The following PTPRN2 variants were observed in gnomAD, a reference collection of about 807,000 sequenced individuals.
PTPRN2 encodes protein tyrosine phosphatase receptor type N2.
PTPRN2 carries 74 observed loss-of-function variants against 118.8 expected under a neutral mutation model. The ratio of observed to expected loss-of-function variants is 0.62; its 90% CI spans 0.52 to 0.76. The LOEUF (loss-of-function observed/expected upper bound fraction) is 0.76, where lower values mean the gene tolerates loss of function less well. Ranked by LOEUF, PTPRN2 falls within the 30% of genes least tolerant of loss-of-function variation. The pLI, the probability that PTPRN2 is intolerant of heterozygous loss-of-function variation, is 0.00. For synonymous variants in PTPRN2, 641 were observed against 608.0 expected (o/e 1.05, Z -0.80); for missense variants, 1,481 against 1,394.4 (o/e 1.06, Z -0.99).
chr7:157,584,023 G>A (rs1800530264), intron 17 of PTPRN2, among the ~76,000 whole-genome samples: 1 of 152,096 alleles, frequency 6.6e-6, no homozygotes, highest in Non-Finnish European at 1.5e-5. Flanking sequence ...GGAGCTGGAT[G>A]TGGTGGTGTG....
chr7:158,206,624 A>T (rs1363369145), intron 3 of PTPRN2, among the ~76,000 whole-genome samples: 2 of 152,046 alleles, frequency 1.3e-5, no homozygotes, highest in Non-Finnish European at 2.9e-5. Flanking sequence ...AGAGAAAAAA[A>T]GTCTGCCTGG....
intron 2 of PTPRN2, among the ~76,000 whole-genome samples, chr7:158,384,923 C>T (rs1188889203): frequency 1.3e-5 from 2 of 152,022 alleles, no homozygotes; most frequent in African/African-American, 4.8e-5. Flanking sequence ...ACCTGCCCGC[C>T]CTCACAGCAG....
intron 11 of PTPRN2, among the ~76,000 whole-genome samples, chr7:157,952,739 T>A (rs1367071783): frequency 6.6e-6 from 1 of 151,990 alleles, no homozygotes. Flanking sequence ...GGGGTAGGTG[T>A]GCACAGGCCT....
chr7:157,668,152 G>A (rs758040042), intron 13 of PTPRN2, among the ~76,000 whole-genome samples: 1 of 152,240 alleles, frequency 6.6e-6, no homozygotes, highest in African/African-American at 2.4e-5. Flanking sequence ...GGGCGTGTCC[G>A]CAGAGTCCTC....
intron 10 of PTPRN2, among the ~76,000 whole-genome samples, chr7:158,108,489 G>A (rs1335730927): frequency 6.6e-6 from 1 of 152,120 alleles, no homozygotes; most frequent in East Asian, 1.9e-4. Flanking sequence ...CCCCATTTCA[G>A]GGAAACCCCA....
At chr7:157,812,637 G>A (rs907367718) in intron 12 of PTPRN2, among the ~76,000 whole-genome samples, 5 of 152,154 alleles carry the variant, frequency 3.3e-5, no homozygotes, top group Admixed American at 6.5e-5. Flanking sequence ...GAGATGAATG[G>A]ACGGCTCATC....
At chr7:158,260,865 C>G (rs994057582) in intron 3 of PTPRN2, among the ~76,000 whole-genome samples, 9 of 152,160 alleles carry the variant, frequency 5.9e-5, no homozygotes, top group African/African-American at 2.2e-4. Context: ...CCCAGCATGC[C>G]CTGCCACTCT....
Position 157,990,369 on chromosome 7 carries a change from AG to A in PTPRN2, c.1723+90928del, listed in dbSNP as rs915685752. On this transcript the variant is annotated intron_variant, in intron 11 of 22. Coordinates refer to ENST00000389418, the MANE Select transcript of PTPRN2 (RefSeq NM_002847.5). This position sits in a 1 kb window ranked among gnomAD's most constrained non-coding sequence, Gnocchi z 4.3. Reference sequence around the variant, plus strand: ...GTGCAGCAGAGATTGGGCACGGGCCAGGAATGCATCACGGCACCTGCGCACA... The same window carrying A: ...GTGCAGCAGAGATTGGGCACGGGCCAGAATGCATCACGGCACCTGCGCACA... Among the ~76,000 whole-genome samples the A allele has an allele frequency of 1.3e-5, 2 of 152,186 alleles. No homozygotes were observed. Among genetic ancestry groups the A allele is most frequent in the African/African-American group, 4.8e-5 (2 of 41,456 alleles).
chr7:157,953,273 G>C lies in PTPRN2; in HGVS notation c.1724-54536C>G, dbSNP rs2128803127. 6.6e-6 allele frequency among the ~76,000 whole-genome samples: 1 copy of C among 152,336 alleles called. No individual in the cohort carries two copies. The highest frequency in any genetic ancestry group is 2.4e-5 in the African/African-American group (1 of 41,576). On this transcript the variant is annotated intron_variant, in intron 11 of 22. Coordinates refer to ENST00000389418, the MANE Select transcript of PTPRN2 (RefSeq NM_002847.5). This position sits in a 1 kb window ranked among gnomAD's most constrained non-coding sequence, Gnocchi z 4.6. ...CGGGAAGGACAGGAGAGCCGGGTGT[G>C]AGAAGCCTCCTTCCTAGGGCCTGTG...
intron 3 of PTPRN2, among the ~76,000 whole-genome samples, chr7:158,303,999 G>A (rs903821918): frequency 2.0e-5 from 3 of 152,236 alleles, no homozygotes; most frequent in African/African-American, 7.2e-5. Flanking sequence ...TACACACTAG[G>A]GAGGCATAAG....
At chr7:158,372,634 GT>G (rs1265630220) in intron 2 of PTPRN2, among the ~76,000 whole-genome samples, 3 of 149,824 alleles carry the variant, frequency 2.0e-5, no homozygotes, top group Non-Finnish European at 4.5e-5. Flanking sequence ...CCCGGAGCTG[GT>G]CCCCACCACG....
rs142437536 is a variant in PTPRN2, at chr7:158,133,802, C to T, written c.1431G>A (p.Met477Ile). ...TCTGCTCCTCCTTCGAGGGCCCAGG[C>T]ATCTGGTTTTGGAGCTCCCCAAACG... Reference protein sequence around the residue: ...AAAFGELQNQMPGPSKEEQSL... With the variant: ...AAAFGELQNQIPGPSKEEQSL... Residue 477 changes from methionine (M) to isoleucine (I), a missense_variant, in exon 9 of 23, where the codon ATG becomes ATA. By Grantham distance (10) the Met-to-Ile change is conservative. Coordinates refer to ENST00000389418, the MANE Select transcript of PTPRN2 (RefSeq NM_002847.5). The T allele has an allele frequency of 2.5e-6, 4 of 1,613,990 alleles. No homozygotes were observed. The highest frequency in any genetic ancestry group is 4.5e-5 in the East Asian group (2 of 44,884).
chr7:158,022,155 A>C lies in PTPRN2; in HGVS notation c.1723+59143T>G, dbSNP rs1806927135. Among the ~76,000 whole-genome samples the C allele has an allele frequency of 6.6e-6, 1 of 152,168 alleles. No homozygotes were observed. Among genetic ancestry groups the C allele is most frequent in the African/African-American group, 2.4e-5 (1 of 41,446 alleles). ...CCAAGTGCATCCTCTGCTTGTCAGC[A>C]GCTTCCACAGACATGGTGAGAGGAG... is the stretch of plus-strand genomic sequence containing the variant. On this transcript the variant is annotated intron_variant, in intron 11 of 22. Transcript: ENST00000389418. This position sits in a 1 kb window ranked among gnomAD's most constrained non-coding sequence, Gnocchi z 4.6.
At chr7:157,796,610 C>T (rs1055191261) in intron 12 of PTPRN2, among the ~76,000 whole-genome samples, 5 of 152,188 alleles carry the variant, frequency 3.3e-5, no homozygotes, top group African/African-American at 1.2e-4. Flanking sequence ...CAAAGAAACA[C>T]CTGAGACTGG....
At chr7:158,396,417 T>C (rs1812503950) in intron 2 of PTPRN2, among the ~76,000 whole-genome samples, 1 of 152,222 alleles carries the variant, frequency 6.6e-6, no homozygotes, top group South Asian at 2.1e-4. Flanking sequence ...TGTGTGTACA[T>C]GTGCACGTGT....
intron 13 of PTPRN2, among the ~76,000 whole-genome samples, chr7:157,665,714 G>C (rs1401282989): frequency 1.3e-5 from 2 of 152,236 alleles, no homozygotes; most frequent in African/African-American, 4.8e-5. Context: ...ATTCACAATA[G>C]TAAAGACTTG....
At chr7:157,566,252 A>C (rs886361798) in intron 21 of PTPRN2, among the ~76,000 whole-genome samples, 4 of 152,240 alleles carry the variant, frequency 2.6e-5, no homozygotes, top group Non-Finnish European at 5.9e-5. Context: ...GGTCTTCTGT[A>C]ATGCATTCCT....
intron 2 of PTPRN2, among the ~76,000 whole-genome samples, chr7:158,341,271 CA>C: frequency 2.4e-5 from 1 of 42,274 alleles, no homozygotes; most frequent in Non-Finnish European, 6.2e-5. Context: ...CATTCACACC[CA>C]CACTCTCACC....
intron 1 of PTPRN2, among the ~76,000 whole-genome samples, chr7:158,510,735 AAAGAG>A (rs1823116980): frequency 6.6e-6 from 1 of 152,270 alleles, no homozygotes. Flanking sequence ...AAAAGAAGAG[AAAGAG>A]AAAACTATGA....
Sources: gnomAD v4.1 joint callset for allele counts (sites outside exome capture counted in the v4.1 genomes callset) on GRCh38, gnomAD v4.1.1 for gene constraint, Gnocchi (gnomAD v3.1) non-coding constraint, MANE v1.5 for transcripts, NCBI Gene and HGNC (gene_info 2026-07-23, HGNC 2026-07-21) for gene names.